Variants in JAM3 observed in about 807,000 individuals in gnomAD.
The protein encoded by JAM3 is junctional adhesion molecule 3, also known as junctional adhesion molecule C.
JAM3 carries 31 observed loss-of-function variants against 39.4 expected under a neutral mutation model. The ratio of observed to expected loss-of-function variants is 0.79; its 90% CI spans 0.59 to 1.06. The LOEUF is 1.06. JAM3 is among the 50% of genes least tolerant of loss of function. The pLI is 0.00. For synonymous variants in JAM3, 182 were observed against 148.7 expected (o/e 1.22, Z -1.63); for missense variants, 455 against 391.4 (o/e 1.16, Z -1.37).
intron 6 of JAM3, 129 bp from the exon 7 acceptor site, chr11:134,148,418 C>A: frequency 9.4e-7 from 1 of 1,059,556 alleles, no homozygotes; most frequent in Non-Finnish European, 1.5e-6. Context: ...TCTCTTCTAG[C>A]TGGGGTAGGC....
intron 6 of JAM3, among the ~76,000 whole-genome samples, chr11:134,147,605 GCCT>G (rs1373393641): frequency 6.6e-6 from 1 of 151,624 alleles, no homozygotes; most frequent in African/African-American, 2.4e-5. Context: ...TCCTGCCTCA[GCCT>G]CCTGAGTAGC....
In JAM3 at chr11:134,069,169, C is replaced by A; in HGVS notation, c.76+10C>A. ...CTGCTGCTTTTCAGGGGTGAGTTTG[C>A]GCGTTTCCGCTGTTGGGAGACTAGG... On this transcript the variant is annotated intron_variant, in intron 1 of 8. Transcript: ENST00000299106. 1 of 1,611,958 alleles carries A rather than the reference C, an allele frequency of 6.2e-7. No homozygotes were observed. Among genetic ancestry groups the A allele is most frequent in the Non-Finnish European group, 8.5e-7 (1 of 1,179,034 alleles).
At chr11:134,095,635 A>G (rs967343368) in intron 1 of JAM3, among the ~76,000 whole-genome samples, 5 of 152,062 alleles carry the variant, frequency 3.3e-5, no homozygotes, top group Non-Finnish European at 7.4e-5. Context: ...GTCAAAAAAA[A>G]AAAAAAGATT....
chr11:134,100,591 G>T (rs1942056190), intron 1 of JAM3, among the ~76,000 whole-genome samples: 1 of 152,170 alleles, frequency 6.6e-6, no homozygotes, highest in African/African-American at 2.4e-5. Context: ...CCTTGGGTCT[G>T]TACACCACTG....
chr11:134,110,414 A>G lies in JAM3; in HGVS notation c.77-29437A>G, dbSNP rs1016351603. On this transcript the variant is annotated intron_variant, in intron 1 of 8. Coordinates refer to ENST00000299106, the MANE Select transcript of JAM3 (RefSeq NM_032801.5). ...TAACCCAAATGCCCATCAATAGTAA[A>G]TAAACATCTGGTGGTATTTCCATAA... is the stretch of plus-strand genomic sequence containing the variant. Among the ~76,000 whole-genome samples, 2 of 152,026 alleles carry G rather than the reference A, an allele frequency of 1.3e-5. 1 individual carries two copies. The highest frequency in any genetic ancestry group is 2.9e-5 in the Non-Finnish European group (2 of 67,846).
chr11:134,133,774 TAC>T (rs1180109740), intron 1 of JAM3, among the ~76,000 whole-genome samples: 1 of 152,096 alleles, frequency 6.6e-6, no homozygotes, highest in East Asian at 1.9e-4. Flanking sequence ...CCTTCCCCCC[TAC>T]ACACACACCT....
At chr11:134,138,846 G>A (rs1263457736) in intron 1 of JAM3, among the ~76,000 whole-genome samples, 3 of 152,126 alleles carry the variant, frequency 2.0e-5, no homozygotes, top group Non-Finnish European at 4.4e-5. Context: ...TATTTAGAAA[G>A]AAAAGATCCA....
At chr11:134,077,121 C>T (rs1482838975) in intron 1 of JAM3, among the ~76,000 whole-genome samples, 1 of 152,096 alleles carries the variant, frequency 6.6e-6, no homozygotes, top group Non-Finnish European at 1.5e-5. Context: ...ATGCATGAGG[C>T]ACTGCACCCG....
intron 1 of JAM3, among the ~76,000 whole-genome samples, chr11:134,131,034 A>T (rs1041582068): frequency 2.6e-5 from 4 of 152,150 alleles, no homozygotes; most frequent in African/African-American, 9.7e-5. Context: ...CGACTCTCAA[A>T]AGCAGCCACA....
chr11:134,139,612 A>G (rs570703149), intron 1 of JAM3: 56 of 535,718 alleles, frequency 1.0e-4, no homozygotes, highest in African/African-American at 9.9e-4. Flanking sequence ...TTCTGGGACT[A>G]AAAAGGAGAA....
chr11:134,105,389 C>T (rs1320661352), intron 1 of JAM3, among the ~76,000 whole-genome samples: 1 of 152,146 alleles, frequency 6.6e-6, no homozygotes, highest in African/African-American at 2.4e-5. Flanking sequence ...AAACCCACAG[C>T]CAATATCATA....
At chr11:134,093,721 GC>G (rs1342975195) in intron 1 of JAM3, among the ~76,000 whole-genome samples, 41 of 107,602 alleles carry the variant, frequency 3.8e-4, no homozygotes, top group African/African-American at 8.2e-4. Context: ...CCTGAGGGAA[GC>G]TTCTCCTGAA....
chr11:134,117,455 A>G (rs1202266602), intron 1 of JAM3, among the ~76,000 whole-genome samples: 1 of 152,194 alleles, frequency 6.6e-6, no homozygotes, highest in Non-Finnish European at 1.5e-5. Flanking sequence ...AGAGAGAAAT[A>G]TTTGGTAGTT....
chr11:134,145,333 C>G (rs770688770), intron 5 of JAM3: 31 of 423,504 alleles, frequency 7.3e-5, no homozygotes, highest in Non-Finnish European at 1.3e-4. Flanking sequence ...ATCTATTAAG[C>G]AACTGTTCAT....
chr11:134,149,079 T>TA (rs1200982942), intron 8 of JAM3, 67 bp from the exon 9 acceptor site: 1 of 1,576,630 alleles, frequency 6.3e-7, no homozygotes, highest in Non-Finnish European at 8.7e-7. Flanking sequence ...ATGTTAGACT[T>TA]ACTCCGTGTT....
At chr11:134,122,663 A>G (rs1942558729) in intron 1 of JAM3, among the ~76,000 whole-genome samples, 1 of 152,230 alleles carries the variant, frequency 6.6e-6, no homozygotes, top group African/African-American at 2.4e-5. Context: ...CCTAGTAATA[A>G]CAAGGCAATC....
At chr11:134,085,778 T>C (rs1941738057) in intron 1 of JAM3, among the ~76,000 whole-genome samples, 1 of 152,210 alleles carries the variant, frequency 6.6e-6, no homozygotes, top group South Asian at 2.1e-4. Context: ...TGGAACATCA[T>C]ATACATACAA....
rs74580731 is a variant in JAM3 at position 134,074,305 on chromosome 11, G to A, written c.76+5146G>A. ...GTCTGTTTTCCAAATGTTCTTTGAT[G>A]AGGATATTTTTTGTGTAATGAAAAA... On this transcript the variant is annotated intron_variant, in intron 1 of 8. Coordinates refer to ENST00000299106, the MANE Select transcript of JAM3 (RefSeq NM_032801.5). Among the ~76,000 whole-genome samples the A allele has an allele frequency of 2.0e-3, 309 of 152,314 alleles. 6 individuals are homozygous for A. In the East Asian group the frequency reaches 0.046, roughly 23 times the overall value.
intron 1 of JAM3, among the ~76,000 whole-genome samples, chr11:134,091,689 G>A (rs183668618): frequency 6.6e-6 from 1 of 152,090 alleles, no homozygotes; most frequent in Admixed American, 6.6e-5. Flanking sequence ...GAAGTGGAGG[G>A]GCAGAGACAA....
Sources: gnomAD v4.1 joint callset for allele counts (sites outside exome capture counted in the v4.1 genomes callset) on GRCh38, gnomAD v4.1.1 for gene constraint, MANE v1.5 for transcripts, NCBI Gene and HGNC (gene_info 2026-07-23, HGNC 2026-07-21) for gene names.